RTEL1: variants seen among roughly 807,000 people sequenced by gnomAD.
The protein encoded by RTEL1 is regulator of telomere elongation helicase 1, also known as regulator of telomere length.
A neutral mutation model predicts 162.2 loss-of-function variants in RTEL1; 86 were observed. The observed-to-expected ratio is 0.53, with a 90% CI of 0.45 to 0.63. The LOEUF is 0.63. RTEL1 is among the 30% of genes least tolerant of loss of function. The probability of loss-of-function intolerance (pLI) is 0.00; values close to 1 mark genes in which losing one functional copy is unlikely to be tolerated. For missense variants in RTEL1, 1,941 were observed against 1,750.2 expected (o/e 1.11, Z -1.95); for synonymous variants, 958 against 717.9 (o/e 1.33, Z -5.35).
At chr20:63,678,944 G>A (rs2090428358) in intron 12 of RTEL1, among the ~76,000 whole-genome samples, 1 of 152,074 alleles carries the variant, frequency 6.6e-6, no homozygotes, top group Middle Eastern at 3.2e-3. Context: ...ACGCGGGGCC[G>A]CTGGGTTTCC....
Position 63,695,915 on chromosome 20 carries a change from T to C in RTEL1, c.*57T>C. ...TGGCTTGATCACCTGCCTGTCCAGC[T>C]CTGGTGGGCCAAGAACCCACCCAAC... On this transcript the variant is annotated 3_prime_UTR_variant, in exon 35 of 35. Transcript: ENST00000360203. The C allele has an allele frequency of 6.6e-7, 1 of 1,506,326 alleles. No homozygotes were observed. The highest frequency in any genetic ancestry group is 9.0e-7 in the Non-Finnish European group (1 of 1,113,176). The allele number at this position is 1,506,326 out of a possible 1,614,324, so 93.3% of individuals were successfully genotyped here. A position where few individuals can be genotyped will look rare whatever the true frequency, so the allele number is the denominator to read the frequency against.
intron 6 of RTEL1, among the ~76,000 whole-genome samples, chr20:63,664,697 G>A (rs1410931513): frequency 1.3e-5 from 2 of 152,230 alleles, no homozygotes; most frequent in African/African-American, 4.8e-5. Context: ...GTGAGGGGGT[G>A]TCTGCAGCAC....
chr20:63,678,170 T>A lies in RTEL1; in HGVS notation c.945T>A (p.Ile315=). The A allele has an allele frequency of 6.2e-7, 1 of 1,614,040 alleles. No homozygotes were observed. The highest frequency in any genetic ancestry group is 8.5e-7 in the Non-Finnish European group (1 of 1,179,916). ...SPGLNMELED[I]AKLKMILLRL... ...GGCTGAACATGGAGCTGGAAGACAT[T>A]GCAAAGCTGAAGAGTAAGTGTTGCC... The change falls in exon 11 of 35, where the codon ATT becomes ATA. Residue 315 remains isoleucine (I), a synonymous_variant. Transcript: ENST00000360203.
chr20:63,689,981 T>C, intron 24 of RTEL1, 106 bp from the exon 25 acceptor site: 1 of 1,556,810 alleles, frequency 6.4e-7, no homozygotes, highest in Non-Finnish European at 8.7e-7. Flanking sequence ...CTCCGGCTAC[T>C]CGGGGTCAGC....
intron 7 of RTEL1, among the ~76,000 whole-genome samples, chr20:63,666,883 A>G (rs1204164116): frequency 7.9e-6 from 1 of 126,184 alleles, no homozygotes; most frequent in Non-Finnish European, 1.6e-5. Context: ...TCTGTCGCCC[A>G]GGCTGGAGTG....
At chr20:63,670,816 CAAAAAAAAA>C (rs765965525) in intron 8 of RTEL1, among the ~76,000 whole-genome samples, 33 of 134,186 alleles carry the variant, frequency 2.5e-4, no homozygotes, top group Admixed American at 8.2e-4. Context: ...GACCCCATCT[CAAAAAAAAA>C]AAAAAAGAAA....
rs1308377404 is a variant in RTEL1, at chr20:63,668,877, C to T, written c.699+1324C>T. ...GCTGGAGGACTCACCTCGCTGGTTTCAAGACTCCTCTAAAGCTGCAGGAGT... is the reference window on the plus strand; with the variant it reads ...GCTGGAGGACTCACCTCGCTGGTTTTAAGACTCCTCTAAAGCTGCAGGAGT... On this transcript the variant is annotated intron_variant, in intron 8 of 34. Coordinates refer to ENST00000360203, the MANE Select transcript of RTEL1 (RefSeq NM_001283009.2). This position sits in a 1 kb window ranked among gnomAD's most constrained non-coding sequence, Gnocchi z 4.3. Among the ~76,000 whole-genome samples the T allele has an allele frequency of 6.6e-6, 1 of 152,192 alleles. No individual in the cohort carries two copies. The highest frequency in any genetic ancestry group is 6.5e-5 in the Admixed American group (1 of 15,284).
Position 63,692,645 on chromosome 20 carries a change from C to T in RTEL1, c.2653-160C>T, listed in dbSNP as rs1006235912. 1.5e-5 allele frequency: 10 copies of T among 671,346 alleles called. No individual in the cohort carries two copies. The Admixed American group carries it at 2.1e-4, about 14-fold the overall frequency. 41.6% of individuals were successfully genotyped at this position (671,346 alleles called of 1,614,324 possible). A position where few individuals can be genotyped will look rare whatever the true frequency, so the allele number is the denominator to read the frequency against. ...AGCCCCACAGCTTTCTTCCCGCAGC[C>T]CCTCCCTATGTCCATCCAGCCAGCC... On this transcript the variant is annotated intron_variant, in intron 28 of 34. Coordinates refer to ENST00000360203, the MANE Select transcript of RTEL1 (RefSeq NM_001283009.2).
chr20:63,690,915 G>A lies in RTEL1; in HGVS notation c.2524G>A (p.Glu842Lys), dbSNP rs1465400494. ...RGLLAALEHS[E>K]QRAGSPGEEQ... ...GCTGCTGGCCGCCCTGGAGCACAGC[G>A]AACAGCGGGCGGGGAGCCCTGGCGA... Residue 842 changes from glutamate to lysine, a missense_variant, in exon 27 of 35, where the codon GAA becomes AAA. Transcript: ENST00000360203. 4.5e-6 allele frequency: 7 copies of A among 1,567,526 alleles called. No homozygotes were observed. The highest frequency in any genetic ancestry group is 4.1e-5 in the African/African-American group (3 of 74,042).
At chr20:63,679,974 C>A in intron 13 of RTEL1, 28 bp downstream of exon 13, 1 of 1,548,762 alleles carries the variant, frequency 6.5e-7, no homozygotes, top group Non-Finnish European at 8.9e-7. Flanking sequence ...GTCTTTGGTG[C>A]GGGCAAATGT....
chr20:63,686,144 G>T (rs905551590), intron 16 of RTEL1: 4 of 540,408 alleles, frequency 7.4e-6, no homozygotes, highest in African/African-American at 5.7e-5. Context: ...AGGCCTCCCT[G>T]CTGGGACACG....
chr20:63,685,463 G>A, intron 14 of RTEL1, 60 bp from the exon 15 acceptor site: 1 of 1,547,620 alleles, frequency 6.5e-7, no homozygotes, highest in South Asian at 1.2e-5. Context: ...TGCGGCTGAT[G>A]CTGCAGAAAG....
intron 8 of RTEL1, among the ~76,000 whole-genome samples, chr20:63,670,653 C>T (rs1387600624): frequency 6.6e-6 from 1 of 152,150 alleles, no homozygotes; most frequent in African/African-American, 2.4e-5. Flanking sequence ...AAACGTGTGG[C>T]AAACAGCCGA....
At chr20:63,693,456 T>TCCACCACCTCCACCACCACCACCTCCA in intron 30 of RTEL1, among the ~76,000 whole-genome samples, 173 bp downstream of exon 30, 1 of 21,042 alleles carries the variant, frequency 4.8e-5, no homozygotes, top group Non-Finnish European at 8.6e-5. Flanking sequence ...CAGCACCACC[T>TCCACCACCTCCACCACCACCACCTCCA]CCACCTCCAC....
At chr20:63,660,303 C>T (rs2089993210) in intron 2 of RTEL1, among the ~76,000 whole-genome samples, 1 of 152,186 alleles carries the variant, frequency 6.6e-6, no homozygotes, top group African/African-American at 2.4e-5. Context: ...TCCCATCCCA[C>T]GAGGCCATAT....
At chr20:63,676,983 C>T (rs969991709) in intron 10 of RTEL1, among the ~76,000 whole-genome samples, 3 of 152,198 alleles carry the variant, frequency 2.0e-5, no homozygotes, top group East Asian at 1.9e-4. Context: ...TGTGTGTGAA[C>T]GTGGGGATTG....
chr20:63,659,604 G>C (rs973426844), intron 2 of RTEL1, 100 bp downstream of exon 2: 14 of 878,834 alleles, frequency 1.6e-5, no homozygotes, highest in Non-Finnish European at 2.1e-5. Flanking sequence ...AGGCCCCTCC[G>C]GGCCAGAGGC....
At chr20:63,678,682 C>T (rs1266971693) in intron 12 of RTEL1, among the ~76,000 whole-genome samples, 1 of 134,738 alleles carries the variant, frequency 7.4e-6, no homozygotes, top group East Asian at 2.1e-4. Context: ...ACGGCACACA[C>T]ACCCACGGAA....
At chr20:63,685,369 A>G (rs2090568819) in intron 14 of RTEL1, among the ~76,000 whole-genome samples, 154 bp from the exon 15 acceptor site, 1 of 152,200 alleles carries the variant, frequency 6.6e-6, no homozygotes, top group Admixed American at 6.5e-5. Context: ...GGCAGGTGCC[A>G]GCTCCTGTCC....
Sources: gnomAD v4.1 joint callset for allele counts (sites outside exome capture counted in the v4.1 genomes callset) on GRCh38, gnomAD v4.1.1 for gene constraint, Gnocchi (gnomAD v3.1) non-coding constraint, MANE v1.5 for transcripts, NCBI Gene and HGNC (gene_info 2026-07-23, HGNC 2026-07-21) for gene names.